POU2AF2: variants seen among roughly 807,000 people sequenced by gnomAD.
The protein encoded by POU2AF2 is POU class 2 homeobox associating factor 2.
the POU2AF2 span, among the ~76,000 whole-genome samples, chr11:111,260,824 G>T: frequency 2.6e-5 from 4 of 152,150 alleles, no homozygotes; most frequent in Admixed American, 2.6e-4. Flanking sequence ...CACATATTCT[G>T]CATATTCTGA....
the POU2AF2 span, among the ~76,000 whole-genome samples, chr11:111,258,520 G>A: frequency 1.6e-4 from 25 of 152,240 alleles, no homozygotes; most frequent in Non-Finnish European, 2.6e-4. Context: ...TCCAAATGGC[G>A]GACATACTTT....
chr11:111,284,894 AG>A, the POU2AF2 span, among the ~76,000 whole-genome samples: 1 of 152,162 alleles, frequency 6.6e-6, no homozygotes, highest in Non-Finnish European at 1.5e-5. Flanking sequence ...GAGTTCATAA[AG>A]ATCTGAAGAT....
the POU2AF2 span, among the ~76,000 whole-genome samples, chr11:111,272,307 T>C: frequency 6.6e-6 from 1 of 150,878 alleles, no homozygotes; most frequent in South Asian, 2.1e-4. Context: ...CCCACCCCCA[T>C]ACCTGCACTA....
chr11:111,264,749 G>A, the POU2AF2 span, among the ~76,000 whole-genome samples: 5 of 146,648 alleles, frequency 3.4e-5, no homozygotes, highest in Admixed American at 2.7e-4. Flanking sequence ...AAGGAAGGAG[G>A]GAGGGAAGAG....
the POU2AF2 span, among the ~76,000 whole-genome samples, chr11:111,246,128 C>G: frequency 6.6e-6 from 1 of 152,160 alleles, no homozygotes; most frequent in South Asian, 2.1e-4. Context: ...AAGATCAACT[C>G]AGTTGAACAT....
chr11:111,281,470 T>G, the POU2AF2 span: 1 of 1,610,078 alleles, frequency 6.2e-7, no homozygotes, highest in South Asian at 1.1e-5. Flanking sequence ...AAGCAATTAT[T>G]CCCTTTTGAA....
chr11:111,255,927 G>A, the POU2AF2 span: 5 of 398,824 alleles, frequency 1.3e-5, no homozygotes, highest in Non-Finnish European at 2.2e-5. Flanking sequence ...ATGTCCTTTG[G>A]GAGCTTAACC....
the POU2AF2 span, among the ~76,000 whole-genome samples, chr11:111,266,164 G>C: frequency 6.6e-6 from 1 of 152,094 alleles, no homozygotes; most frequent in East Asian, 1.9e-4. Flanking sequence ...ATCAGGATTT[G>C]CCACCAATTT....
At chr11:111,250,186 G>C in the POU2AF2 span, among the ~76,000 whole-genome samples, 7 of 152,030 alleles carry the variant, frequency 4.6e-5, no homozygotes, top group Non-Finnish European at 7.4e-5. Context: ...GGGGGTTGGG[G>C]GGTGTGTGTG....
the POU2AF2 span, among the ~76,000 whole-genome samples, chr11:111,276,454 ATATATATATATATATATAT>A: frequency 5.2e-5 from 1 of 19,070 alleles, no homozygotes; most frequent in Non-Finnish European, 1.2e-4. Context: ...AAAAAAAAAA[ATATATATATATATATATAT>A]ATATATATAT....
At chr11:111,252,023 C>T in the POU2AF2 span, among the ~76,000 whole-genome samples, 49 of 152,302 alleles carry the variant, frequency 3.2e-4, no homozygotes, top group African/African-American at 1.1e-3. Context: ...TTGGCATACA[C>T]ATAAAGTATA....
the POU2AF2 span, among the ~76,000 whole-genome samples, chr11:111,261,279 A>G: frequency 3.5e-5 from 5 of 141,964 alleles, no homozygotes; most frequent in Non-Finnish European, 6.3e-5. Flanking sequence ...ACACACACAC[A>G]CACACACACA....
the POU2AF2 span, among the ~76,000 whole-genome samples, chr11:111,259,104 T>C: frequency 1.3e-5 from 2 of 152,174 alleles, no homozygotes; most frequent in African/African-American, 4.8e-5. Flanking sequence ...AGACATGTAA[T>C]ATGAAGACTA....
At chr11:111,268,592 G>A in the POU2AF2 span, among the ~76,000 whole-genome samples, 1 of 149,062 alleles carries the variant, frequency 6.7e-6, no homozygotes, top group African/African-American at 2.5e-5. Context: ...GAAGTGCAAT[G>A]GCATGATCTC....
At chr11:111,274,325 A>G in the POU2AF2 span, among the ~76,000 whole-genome samples, 1 of 152,248 alleles carries the variant, frequency 6.6e-6, no homozygotes. Flanking sequence ...TTCCCAGGTC[A>G]CCACAGAGGG....
At chr11:111,274,105 G>C in the POU2AF2 span, among the ~76,000 whole-genome samples, 2 of 152,134 alleles carry the variant, frequency 1.3e-5, no homozygotes, top group African/African-American at 4.8e-5. Context: ...AATGACAATT[G>C]AGTGCACATG....
At chr11:111,276,665 T>C in the POU2AF2 span, among the ~76,000 whole-genome samples, 1 of 137,066 alleles carries the variant, frequency 7.3e-6, no homozygotes, top group Non-Finnish European at 1.6e-5. Flanking sequence ...AAAAAAAAGA[T>C]AATGGTATAA....
At chr11:111,276,446 AAAAAAAAATAT>A in the POU2AF2 span, among the ~76,000 whole-genome samples, 1 of 35,086 alleles carries the variant, frequency 2.9e-5, no homozygotes, top group African/African-American at 7.2e-5. Context: ...AAAGAAAAAA[AAAAAAAAATAT>A]ATATATATAT....
chr11:111,278,028 C>T, the POU2AF2 span, among the ~76,000 whole-genome samples: 2 of 152,136 alleles, frequency 1.3e-5, no homozygotes, highest in African/African-American at 2.4e-5. Flanking sequence ...ATTACATGCC[C>T]GAGAGTTCCC....
Sources: allele counts gnomAD v4.1 joint callset (sites outside exome capture counted in the v4.1 genomes callset), GRCh38; gene constraint gnomAD v4.1.1; transcripts MANE v1.5; gene names NCBI Gene and HGNC (gene_info 2026-07-23, HGNC 2026-07-21).